Variants in HIRA observed in about 807,000 individuals in gnomAD.
HIRA encodes protein HIRA.
In HIRA, 13 loss-of-function variants were observed where a neutral mutation model predicts 126.6. The ratio of observed to expected loss-of-function variants is 0.10; its 90% CI spans 0.07 to 0.16. The LOEUF (loss-of-function observed/expected upper bound fraction) is 0.16, where lower values mean the gene tolerates loss of function less well. HIRA is among the 10% of genes least tolerant of loss of function. The pLI, the probability that HIRA is intolerant of heterozygous loss-of-function variation, is 1.00. For missense variants in HIRA, 834 were observed against 1,314.4 expected, an observed-to-expected ratio of 0.63 and a Z score of 5.65; for synonymous variants, 511 against 520.0, an observed-to-expected ratio of 0.98 and a Z score of 0.24.
chr22:19,405,807 T>C lies in HIRA; in HGVS notation c.376A>G (p.Ile126Val). 6.7e-7 allele frequency: 1 copy of C among 1,487,242 alleles called. No homozygotes were observed. The highest frequency in any genetic ancestry group is 1.4e-5 in the South Asian group (1 of 73,806). 92.1% of individuals were successfully genotyped at this position (1,487,242 alleles called of 1,614,324 possible). ...ANVEQWRCVS[I>V]LRNHSGDVMD... ...TCACCGCCTGAATGATTCCGGAGGA[T>C]AGAGACACACCGCCACTGCTCCACA... Residue 126 changes from isoleucine to valine, a missense_variant, in exon 5 of 25, where the codon ATC becomes GTC. Physicochemically the swap from Ile to Val is conservative, Grantham distance 29. This residue lies in a region of HIRA where 102 missense variants were observed against 191.4 expected (regional missense o/e 0.53). Coordinates refer to ENST00000263208, the MANE Select transcript of HIRA (RefSeq NM_003325.4).
chr22:19,427,017 C>T (rs2146261887), intron 1 of HIRA, among the ~76,000 whole-genome samples: 1 of 152,308 alleles, frequency 6.6e-6, no homozygotes, highest in South Asian at 2.1e-4. Flanking sequence ...TTCTTGTCCT[C>T]AAGAAACTTA....
chr22:19,380,020 G>T (rs867306592), intron 13 of HIRA, among the ~76,000 whole-genome samples: 2 of 151,914 alleles, frequency 1.3e-5, no homozygotes, highest in African/African-American at 4.8e-5. Flanking sequence ...ATGTTGGCCA[G>T]GATGGTCTTG....
intron 15 of HIRA, among the ~76,000 whole-genome samples, chr22:19,367,399 C>T (rs894831538): frequency 6.6e-6 from 1 of 150,968 alleles, no homozygotes; most frequent in African/African-American, 2.4e-5. Flanking sequence ...CGGAGTCTCA[C>T]TCTGTTGCTC....
At chr22:19,367,155 T>C (rs749349445) in intron 15 of HIRA, among the ~76,000 whole-genome samples, 1 of 152,216 alleles carries the variant, frequency 6.6e-6, no homozygotes, top group Non-Finnish European at 1.5e-5. Flanking sequence ...TATTTATTTA[T>C]ATACTAATCA....
intron 1 of HIRA, among the ~76,000 whole-genome samples, chr22:19,428,659 T>C (rs939165231): frequency 3.3e-5 from 5 of 152,172 alleles, no homozygotes; most frequent in African/African-American, 4.8e-5. Context: ...AGAAAAAGTA[T>C]GTTCATGCTG....
intron 9 of HIRA, among the ~76,000 whole-genome samples, chr22:19,390,625 A>AAAAAAAAAAAG (rs1569304503): frequency 1.3e-5 from 2 of 148,558 alleles, no homozygotes; most frequent in African/African-American, 2.5e-5. Context: ...AAAAAAAAAA[A>AAAAAAAAAAAG]AAGAAGCTGA....
Position 19,431,698 on chromosome 22 carries a change from C to A in HIRA, c.-222G>T, listed in dbSNP as rs2089541560. 1 of 371,854 alleles carries A rather than the reference C, an allele frequency of 2.7e-6. No individual in the cohort carries two copies. The highest frequency in any genetic ancestry group is 4.5e-6 in the Non-Finnish European group (1 of 224,564). 23.0% of individuals were successfully genotyped at this position (371,854 alleles called of 1,614,324 possible). On this transcript the variant is annotated 5_prime_UTR_variant, in exon 1 of 25. Coordinates refer to ENST00000263208, the MANE Select transcript of HIRA (RefSeq NM_003325.4). ...CGCCGCCGCCACCACAGCCGCATCC[C>A]CTGCGCCGCTCCTCCTCAGGCGGCT...
intron 1 of HIRA, among the ~76,000 whole-genome samples, chr22:19,428,868 A>G (rs1381354296): frequency 1.3e-5 from 2 of 152,214 alleles, no homozygotes; most frequent in African/African-American, 4.8e-5. Context: ...TGATGGCTTT[A>G]CAAAAGCAAG....
intron 24 of HIRA, among the ~76,000 whole-genome samples, chr22:19,332,261 T>C (rs1400147629): frequency 1.3e-5 from 2 of 152,168 alleles, no homozygotes; most frequent in African/African-American, 4.8e-5. Context: ...GAATTAACGG[T>C]GACAGATATA....
At position 19,351,788 on chromosome 22, in the gene HIRA, C is replaced by G. The variant is rs1556010976; in HGVS notation, c.2849-342G>C. Among the ~76,000 whole-genome samples, 1 of 152,088 alleles carries G rather than the reference C, an allele frequency of 6.6e-6. No individual in the cohort carries two copies. Among genetic ancestry groups the G allele is most frequent in the Non-Finnish European group, 1.5e-5 (1 of 68,020 alleles). ...ATGGGAAATTGTGGGCTGGTGAGAT[C>G]TGTCTTTGAGAAGATGCGCTGGCAG... On this transcript the variant is annotated intron_variant, in intron 23 of 24. Transcript: ENST00000263208. This position sits in a 1 kb window ranked among gnomAD's most constrained non-coding sequence, Gnocchi z 4.8.
intron 14 of HIRA, among the ~76,000 whole-genome samples, chr22:19,376,466 C>T (rs764783961): frequency 5.3e-5 from 8 of 152,190 alleles, no homozygotes; most frequent in Non-Finnish European, 8.8e-5. Flanking sequence ...ACACCTTCCA[C>T]TCCTATCTGC....
intron 5 of HIRA, among the ~76,000 whole-genome samples, chr22:19,399,996 C>G (rs2089254556): frequency 6.6e-6 from 1 of 152,194 alleles, no homozygotes; most frequent in Admixed American, 6.5e-5. Context: ...AACGCCAGGA[C>G]AGCAGGGGAG....
At chr22:19,380,349 A>T (rs1037850065) in intron 13 of HIRA, among the ~76,000 whole-genome samples, 6 of 152,224 alleles carry the variant, frequency 3.9e-5, no homozygotes, top group African/African-American at 1.2e-4. Context: ...GGTGCCATGT[A>T]GTCCTGTCTT....
chr22:19,359,229 AGCTG>A, intron 18 of HIRA, 103 bp downstream of exon 18: 1 of 1,202,736 alleles, frequency 8.3e-7, no homozygotes, highest in South Asian at 1.8e-5. Flanking sequence ...TCTCTGTGGG[AGCTG>A]GTGCTCCCAG....
intron 1 of HIRA, among the ~76,000 whole-genome samples, chr22:19,413,442 A>G (rs1239973793): frequency 6.6e-6 from 1 of 152,024 alleles, no homozygotes; most frequent in Non-Finnish European, 1.5e-5. Context: ...CATTGGCACC[A>G]GGTTTCCTTT....
intron 15 of HIRA, among the ~76,000 whole-genome samples, chr22:19,369,888 C>T (rs888798295): frequency 2.0e-5 from 3 of 152,196 alleles, no homozygotes; most frequent in African/African-American, 7.2e-5. Flanking sequence ...AAGACTGCGC[C>T]ACTGCACTCC....
chr22:19,354,122 G>C lies in HIRA; in HGVS notation c.2562-4C>G. 6.2e-7 allele frequency: 1 copy of C among 1,612,198 alleles called. No individual in the cohort carries two copies. The highest frequency in any genetic ancestry group is 1.1e-5 in the South Asian group (1 of 90,644). On this transcript the variant is annotated splice_polypyrimidine_tract_variant and splice_region_variant and intron_variant, in intron 21 of 24. Coordinates refer to ENST00000263208, the MANE Select transcript of HIRA (RefSeq NM_003325.4). ...CTGCTTGTCAGAAACCAGGTTCCTG[G>C]GGAGGCAAAGGCAGGAGCAGAGCTC...
rs186465504 is a variant in HIRA, at chr22:19,377,640, C to T, written c.1613+229G>A. Among the ~76,000 whole-genome samples the T allele has an allele frequency of 2.0e-4, 31 of 152,302 alleles. No homozygotes were observed. The South Asian group carries it at 2.3e-3, about 11-fold the overall frequency. On this transcript the variant is annotated intron_variant, in intron 14 of 24. Transcript: ENST00000263208. ...TTCCCACCCTTAGCAGCCTGACCCT[C>T]GGTCAGCCTTGATACACTCTGTGAA... is the stretch of plus-strand genomic sequence containing the variant.
intron 1 of HIRA, 74 bp downstream of exon 1, chr22:19,431,366 C>T: frequency 1.3e-6 from 2 of 1,518,890 alleles, no homozygotes; most frequent in Non-Finnish European, 1.8e-6. Flanking sequence ...GCAGGACTTG[C>T]GCGCGCCCCG....
Sources: gnomAD v4.1 joint callset for allele counts (sites outside exome capture counted in the v4.1 genomes callset) on GRCh38, gnomAD v4.1.1 for gene constraint, gnomAD v4.1.1 regional missense constraint, Gnocchi (gnomAD v3.1) non-coding constraint, MANE v1.5 for transcripts, NCBI Gene and HGNC (gene_info 2026-07-23, HGNC 2026-07-21) for gene names.